AMPH: variants seen among roughly 807,000 people sequenced by gnomAD.
AMPH encodes amphiphysin.
AMPH carries 49 observed loss-of-function variants against 99.1 expected under a neutral mutation model. The ratio of observed to expected loss-of-function variants is 0.49; its 90% confidence interval spans 0.39 to 0.63. AMPH has a LOEUF of 0.63. Ranked by LOEUF, AMPH falls within the 20% of genes least tolerant of loss-of-function variation. The pLI, the probability that AMPH is intolerant of heterozygous loss-of-function variation, is 0.00. For synonymous variants in AMPH, 314 were observed against 317.3 expected (o/e 0.99, Z 0.11); for missense variants, 759 against 863.4 (o/e 0.88, Z 1.52).
At chr7:38,455,546 G>A (rs1787200567) in intron 11 of AMPH, among the ~76,000 whole-genome samples, 1 of 152,214 alleles carries the variant, frequency 6.6e-6, no homozygotes, top group African/African-American at 2.4e-5. Flanking sequence ...AAGCAAGCAA[G>A]GAGAGGGCAG....
chr7:38,465,466 C>T lies in AMPH; in HGVS notation c.749+1G>A, dbSNP rs777211996. 6.4e-7 allele frequency: 1 copy of T among 1,570,898 alleles called. No homozygotes were observed. On this transcript the variant is annotated splice_donor_variant, in intron 9 of 20. Transcript: ENST00000356264. LOFTEE classifies it high-confidence loss of function. Reference sequence around the variant, plus strand: ...AGGTGCTCCAATGAGCAGGGGCCTACCTGGGCGCTCCTTGGATGGTGAAGG... The same window carrying T: ...AGGTGCTCCAATGAGCAGGGGCCTATCTGGGCGCTCCTTGGATGGTGAAGG...
At chr7:38,436,195 A>G (rs1786255083) in intron 12 of AMPH, 77 bp downstream of exon 12, 6 of 1,040,318 alleles carry the variant, frequency 5.8e-6, no homozygotes. Context: ...CATGAAAGGT[A>G]TAGGGATCAT....
chr7:38,424,096 T>G (rs774391736), intron 15 of AMPH, among the ~76,000 whole-genome samples: 1 of 152,134 alleles, frequency 6.6e-6, no homozygotes, highest in Non-Finnish European at 1.5e-5. Flanking sequence ...AAATCTTCCC[T>G]GGGAAATCTG....
intron 1 of AMPH, among the ~76,000 whole-genome samples, chr7:38,577,208 A>G (rs1355903699): frequency 6.6e-6 from 1 of 152,200 alleles, no homozygotes; most frequent in African/African-American, 2.4e-5. Context: ...TGGAAAATCA[A>G]AATAACAAGA....
intron 2 of AMPH, among the ~76,000 whole-genome samples, chr7:38,528,618 C>A (rs552287441): frequency 1.3e-5 from 2 of 151,982 alleles, no homozygotes; most frequent in Non-Finnish European, 2.9e-5. Context: ...TGTCTTTTTT[C>A]TTGTTGTCAG....
intron 2 of AMPH, among the ~76,000 whole-genome samples, chr7:38,527,826 G>C (rs967831844): frequency 6.6e-6 from 1 of 152,128 alleles, no homozygotes. Flanking sequence ...TCAATCTTTG[G>C]AGAAAAGCAT....
intron 19 of AMPH, among the ~76,000 whole-genome samples, chr7:38,390,212 T>G (rs1784450139): frequency 6.6e-6 from 1 of 152,228 alleles, no homozygotes; most frequent in South Asian, 2.1e-4. Flanking sequence ...TACTGTTTGT[T>G]GTTTAACTGG....
chr7:38,592,141 CAT>C (rs1462839679), intron 1 of AMPH, among the ~76,000 whole-genome samples: 3 of 152,232 alleles, frequency 2.0e-5, no homozygotes, highest in Non-Finnish European at 2.9e-5. Context: ...GCAGCAGAAA[CAT>C]GTCCTTAAGG....
At chr7:38,415,759 T>C (rs536841440) in intron 17 of AMPH, among the ~76,000 whole-genome samples, 75 of 152,090 alleles carry the variant, frequency 4.9e-4, no homozygotes, top group African/African-American at 1.7e-3. Flanking sequence ...TATTTTTCAG[T>C]CCATATGGAG....
chr7:38,590,732 G>C (rs1273607719), intron 1 of AMPH, among the ~76,000 whole-genome samples: 1 of 152,264 alleles, frequency 6.6e-6, no homozygotes, highest in South Asian at 2.1e-4. Flanking sequence ...ACCTTCCCCA[G>C]CTAGGCTTAA....
intron 11 of AMPH, among the ~76,000 whole-genome samples, chr7:38,441,903 G>A (rs576343708): frequency 4.6e-4 from 44 of 95,854 alleles, no homozygotes; most frequent in South Asian, 3.2e-3. Context: ...ACACACACAC[G>A]CCATGGAATA....
At chr7:38,431,616 A>T (rs1177061290) in intron 13 of AMPH, among the ~76,000 whole-genome samples, 4 of 151,144 alleles carry the variant, frequency 2.6e-5, no homozygotes, top group African/African-American at 9.8e-5. Flanking sequence ...AGACAGTGCC[A>T]TTGCACTCCA....
chr7:38,396,414 T>C (rs1423275813), intron 17 of AMPH, among the ~76,000 whole-genome samples: 1 of 152,228 alleles, frequency 6.6e-6, no homozygotes, highest in Non-Finnish European at 1.5e-5. Context: ...ATCATGATTG[T>C]GAGGCCTCCC....
chr7:38,611,781 T>C (rs1793688479), intron 1 of AMPH, among the ~76,000 whole-genome samples: 1 of 152,242 alleles, frequency 6.6e-6, no homozygotes, highest in African/African-American at 2.4e-5. Flanking sequence ...TCATCTTGCC[T>C]GCAGGTGTCT....
At chr7:38,436,739 T>C (rs1786281678) in intron 11 of AMPH, among the ~76,000 whole-genome samples, 1 of 152,150 alleles carries the variant, frequency 6.6e-6, no homozygotes, top group Non-Finnish European at 1.5e-5. Flanking sequence ...AGAACTTGGA[T>C]CAAGAAATTA....
chr7:38,479,544 C>CA (rs202120642), intron 5 of AMPH, among the ~76,000 whole-genome samples: 3,919 of 151,352 alleles, frequency 0.026, 61 homozygotes, highest in South Asian at 0.091. Flanking sequence ...TCATTCAGAG[C>CA]AAAAAAACAT....
At chr7:38,508,351 T>C (rs1789410716) in intron 2 of AMPH, among the ~76,000 whole-genome samples, 1 of 152,142 alleles carries the variant, frequency 6.6e-6, no homozygotes, top group Admixed American at 6.5e-5. Flanking sequence ...GCAATAGGAG[T>C]TTAATACCTG....
chr7:38,444,302 C>A (rs1335829228), intron 11 of AMPH, among the ~76,000 whole-genome samples: 1 of 152,044 alleles, frequency 6.6e-6, no homozygotes, highest in Non-Finnish European at 1.5e-5. Context: ...TTTTCCCCCA[C>A]CCCCCAAATT....
At chr7:38,589,046 C>A (rs1584278258) in intron 1 of AMPH, among the ~76,000 whole-genome samples, 1 of 152,096 alleles carries the variant, frequency 6.6e-6, no homozygotes. Context: ...TTAAAACTCA[C>A]AAAAGTAGGT....
Sources: allele counts gnomAD v4.1 joint callset (sites outside exome capture counted in the v4.1 genomes callset), GRCh38; gene constraint gnomAD v4.1.1; transcripts MANE v1.5; gene names NCBI Gene and HGNC (gene_info 2026-07-23, HGNC 2026-07-21).